LRRN2: variants seen among roughly 807,000 people sequenced by gnomAD.
The protein encoded by LRRN2 is leucine rich repeat neuronal 2.
Under a neutral mutation model 35.7 loss-of-function variants are expected in LRRN2, and 10 were observed. That is an observed-to-expected ratio of 0.28 (90% confidence interval 0.17 to 0.47). LRRN2 has a LOEUF of 0.47. Among genes scored for constraint, LRRN2 ranks in the 20% least tolerant of loss-of-function variants. LRRN2 has a pLI of 0.99. For synonymous variants in LRRN2, 391 were observed against 409.6 expected, an observed-to-expected ratio of 0.95 and a Z score of 0.55; for missense variants, 731 against 940.3, an observed-to-expected ratio of 0.78 and a Z score of 2.91.
chr1:204,682,518 G>A (rs1260360169), intron 1 of LRRN2, among the ~76,000 whole-genome samples: 2 of 152,150 alleles, frequency 1.3e-5, no homozygotes, highest in Non-Finnish European at 2.9e-5. Flanking sequence ...TATATGACCC[G>A]GAGCAAGTGG....
At chr1:204,624,159 C>T (rs947436028) in intron 1 of LRRN2, among the ~76,000 whole-genome samples, 2 of 152,208 alleles carry the variant, frequency 1.3e-5, no homozygotes, top group Admixed American at 1.3e-4. Context: ...AGCTCCTCCA[C>T]GCACCTGCCC....
At chr1:204,667,923 G>T (rs1668607549) in intron 1 of LRRN2, among the ~76,000 whole-genome samples, 1 of 152,148 alleles carries the variant, frequency 6.6e-6, no homozygotes, top group African/African-American at 2.4e-5. Context: ...GGGAGGGTGT[G>T]CATGTCTCAA....
At chr1:204,632,192 CA>C (rs1667721814) in intron 1 of LRRN2, among the ~76,000 whole-genome samples, 1 of 152,146 alleles carries the variant, frequency 6.6e-6, no homozygotes, top group Non-Finnish European at 1.5e-5. Context: ...TATGACTGCA[CA>C]ACTGAACTAC....
intron 1 of LRRN2, among the ~76,000 whole-genome samples, chr1:204,661,873 T>A (rs549035211): frequency 6.6e-6 from 1 of 152,208 alleles, no homozygotes; most frequent in East Asian, 1.9e-4. Context: ...GGGATGAGAA[T>A]CTCTCTGAGC....
rs549912255 is a variant in LRRN2 at position 204,685,731 on chromosome 1, C to G, written c.-638G>C. The G allele has an allele frequency of 6.6e-6, 1 of 152,424 alleles. No individual in the cohort carries two copies. The highest frequency in any genetic ancestry group is 1.5e-5 in the Non-Finnish European group (1 of 68,202). The allele number at this position is 152,424 out of a possible 1,614,324, so 9.4% of individuals were successfully genotyped here. ...TCCTCACTCGCTTCTCCGCCGCTCT[C>G]CCAACCTCCCCAGCCCACTCCGGTC... On this transcript the variant is annotated 5_prime_UTR_variant, in exon 1 of 2. Coordinates refer to ENST00000367177, the MANE Select transcript of LRRN2 (RefSeq NM_201630.2).
intron 1 of LRRN2, among the ~76,000 whole-genome samples, chr1:204,679,703 T>C (rs1668903442): frequency 1.3e-5 from 2 of 152,200 alleles, no homozygotes; most frequent in Non-Finnish European, 2.9e-5. Flanking sequence ...CTAGGCCCCA[T>C]TCTCACGTCT....
In LRRN2 at chr1:204,619,230, G is replaced by A. The variant is rs150619004; in HGVS notation, c.763C>T (p.Arg255Trp). 2.4e-5 allele frequency: 39 copies of A among 1,613,964 alleles called. No homozygotes were observed. In the East Asian group the frequency reaches 2.5e-4, roughly 10 times the overall value. ...YDNQLARVPR[R>W]ALEQVPGLKF... ...AGCCCGGGCACCTGTTCCAGTGCCC[G>A]CCTGGGCACCCGGGCCAGCTGGTTG... Residue 255 changes from arginine to tryptophan, a missense_variant, in exon 2 of 2, where the codon CGG (arginine) becomes TGG (tryptophan). Transcript: ENST00000367177.
intron 1 of LRRN2, among the ~76,000 whole-genome samples, chr1:204,648,326 C>T (rs1668153081): frequency 6.6e-6 from 1 of 152,200 alleles, no homozygotes; most frequent in South Asian, 2.1e-4. Flanking sequence ...GCCCTCACTA[C>T]TGGGTACATC....
intron 1 of LRRN2, among the ~76,000 whole-genome samples, chr1:204,630,720 C>A (rs887175712): frequency 3.3e-5 from 5 of 152,100 alleles, no homozygotes; most frequent in African/African-American, 1.2e-4. Context: ...CTCCTGTGCC[C>A]CTCCCCAGTC....
chr1:204,677,896 G>C (rs1345080892), intron 1 of LRRN2, among the ~76,000 whole-genome samples: 2 of 152,140 alleles, frequency 1.3e-5, no homozygotes, highest in Non-Finnish European at 2.9e-5. Flanking sequence ...ACTGCTCAGA[G>C]ACAGAAGACC....
intron 1 of LRRN2, among the ~76,000 whole-genome samples, chr1:204,627,770 C>T (rs565900593): frequency 6.6e-6 from 1 of 152,360 alleles, no homozygotes; most frequent in Non-Finnish European, 1.5e-5. Flanking sequence ...CCCCTGCACC[C>T]ATCTCCTGGG....
chr1:204,674,112 G>A (rs534521379), intron 1 of LRRN2, among the ~76,000 whole-genome samples: 213 of 152,236 alleles, frequency 1.4e-3, no homozygotes, highest in African/African-American at 4.9e-3. Context: ...CTGTCCATCT[G>A]TCTCCCTCTC....
At position 204,673,934 on chromosome 1, in the gene LRRN2, C is replaced by A. The variant is rs118123119; in HGVS notation, c.-227+11386G>T. On this transcript the variant is annotated intron_variant, in intron 1 of 1. Coordinates refer to ENST00000367177, the MANE Select transcript of LRRN2 (RefSeq NM_201630.2). ...ACTCCCACCCCTCTCCCCACAGGAC[C>A]AAGTGACTCCTGGGCCCAGGTACCC... Among the ~76,000 whole-genome samples the A allele has an allele frequency of 9.3e-4, 142 of 152,254 alleles. 1 individual carries two copies. In the East Asian group the frequency reaches 0.018, roughly 19 times the overall value.
Position 204,620,074 on chromosome 1 carries a change from A to C in LRRN2, c.-82T>G, listed in dbSNP as rs1571603436. The stretch of plus-strand genomic sequence containing the variant: ...GTGTTTTGCAGGGTAAGGGTCAGCA[A>C]CCCTGCCAGGGCCCAAGGAACCACC... On this transcript the variant is annotated 5_prime_UTR_variant, in exon 2 of 2. Coordinates refer to ENST00000367177, the MANE Select transcript of LRRN2 (RefSeq NM_201630.2). 1 of 1,507,794 alleles carries C rather than the reference A, an allele frequency of 6.6e-7. No homozygotes were observed. Among genetic ancestry groups the C allele is most frequent in the East Asian group, 2.4e-5 (1 of 40,988 alleles). 93.4% of individuals were successfully genotyped at this position (1,507,794 alleles called of 1,614,324 possible). A position where few individuals can be genotyped will look rare whatever the true frequency, so the allele number is the denominator to read the frequency against.
chr1:204,672,911 C>T (rs1036178157), intron 1 of LRRN2, among the ~76,000 whole-genome samples: 7 of 152,228 alleles, frequency 4.6e-5, no homozygotes, highest in Non-Finnish European at 1.0e-4. Context: ...TTCTCAGAAG[C>T]TGGGCAGCAT....
At chr1:204,674,898 A>G (rs977586902) in intron 1 of LRRN2, among the ~76,000 whole-genome samples, 3 of 152,248 alleles carry the variant, frequency 2.0e-5, no homozygotes, top group African/African-American at 7.2e-5. Flanking sequence ...GCCTCTGCCC[A>G]GTTCTTAGCA....
In LRRN2 at chr1:204,619,140, G is replaced by T; in HGVS notation, c.853C>A (p.Leu285Met). 1.2e-6 allele frequency: 2 copies of T among 1,613,828 alleles called. No individual in the cohort carries two copies. Among genetic ancestry groups the T allele is most frequent in the Non-Finnish European group, 1.7e-6 (2 of 1,179,920 alleles). ...RVGPGDFANMLHLKELGLNNM... is the reference protein window; with the variant it reads ...RVGPGDFANMMHLKELGLNNM... ...TTCAGTCCCAGCTCCTTAAGGTGCA[G>T]CATGTTGGCAAAGTCCCCCGGCCCT... Residue 285 changes from leucine (L) to methionine (M), a missense_variant, in exon 2 of 2, where the codon CTG becomes ATG. Around this residue, in one of 3 missense-constraint regions of LRRN2, gnomAD observed 256 missense variants for 392.4 expected, o/e 0.65. Transcript: ENST00000367177.
At chr1:204,679,902 T>G (rs1339997464) in intron 1 of LRRN2, among the ~76,000 whole-genome samples, 1 of 152,162 alleles carries the variant, frequency 6.6e-6, no homozygotes, top group African/African-American at 2.4e-5. Context: ...ACAGAGACCC[T>G]CTCTGAAGAT....
intron 1 of LRRN2, among the ~76,000 whole-genome samples, chr1:204,672,281 C>T (rs970461098): frequency 3.9e-5 from 6 of 152,158 alleles, no homozygotes; most frequent in Admixed American, 2.0e-4. Flanking sequence ...GGCACTAATA[C>T]GCTATGTGAT....
Sources: allele counts gnomAD v4.1 joint callset (sites outside exome capture counted in the v4.1 genomes callset), GRCh38; gene constraint gnomAD v4.1.1; regional missense constraint gnomAD v4.1.1; transcripts MANE v1.5; gene names NCBI Gene and HGNC (gene_info 2026-07-23, HGNC 2026-07-21).